The following CDKL5 variants were observed in gnomAD, a reference collection of about 807,000 sequenced individuals.
The protein encoded by CDKL5 is cyclin dependent kinase like 5.
A neutral mutation model predicts 61.7 loss-of-function variants in CDKL5; 8 were observed. That is an observed-to-expected ratio of 0.13 (90% CI 0.08 to 0.23). CDKL5 has a LOEUF of 0.23. CDKL5 is among the 10% of genes least tolerant of loss of function. The pLI is 1.00. For missense variants in CDKL5, 440 were observed against 734.5 expected (o/e 0.60, Z 4.63); for synonymous variants, 275 against 272.3 (o/e 1.01, Z -0.10).
At chrX:18,614,849 AT>A (rs1926669820) in intron 15 of CDKL5, among the ~76,000 whole-genome samples, 1 of 112,507 alleles carries the variant, frequency 8.9e-6, no homozygotes, top group African/African-American at 3.2e-5. Context: ...AAGGAATTGG[AT>A]TCTCTTGATT....
intron 1 of CDKL5, among the ~76,000 whole-genome samples, chrX:18,478,679 C>CTTT (rs750617832): frequency 1.1e-5 from 1 of 92,205 alleles, no homozygotes; most frequent in Non-Finnish European, 2.2e-5. Context: ...TTGTTGCTTT[C>CTTT]TTTTTTTTTT....
intron 8 of CDKL5, among the ~76,000 whole-genome samples, chrX:18,587,164 C>T (rs1925668149): frequency 1.8e-5 from 2 of 110,542 alleles, no homozygotes; most frequent in African/African-American, 6.6e-5. Context: ...AGCGTGCACG[C>T]GTGTGTGTGT....
chrX:18,621,911 A>T (rs1359072814), intron 16 of CDKL5, among the ~76,000 whole-genome samples: 1 of 112,196 alleles, frequency 8.9e-6, no homozygotes, highest in Admixed American at 9.5e-5. Flanking sequence ...ATGTTTCTCT[A>T]TCATGAGCGT....
At chrX:18,561,900 A>G (rs771880919) in intron 3 of CDKL5, among the ~76,000 whole-genome samples, 78 of 111,922 alleles carry the variant, frequency 7.0e-4, no homozygotes, top group Middle Eastern at 4.6e-3. Context: ...CAGGCTAAGT[A>G]AGGACTTTGA....
At chrX:18,647,375 C>T in intron 20 of CDKL5, 2 of 1,185,631 alleles carry the variant, frequency 1.7e-6, no homozygotes, top group Non-Finnish European at 1.1e-6. Flanking sequence ...TATCTCAATA[C>T]TCAACAAGCA....
intron 15 of CDKL5, 34 bp from the exon 16 acceptor site, chrX:18,619,833 A>G: frequency 2.1e-6 from 2 of 952,203 alleles, no homozygotes; most frequent in Non-Finnish European, 3.0e-6. Flanking sequence ...AAATGATTGA[A>G]AAATCAATAT....
At chrX:18,478,334 A>G (rs1602214343) in intron 1 of CDKL5, among the ~76,000 whole-genome samples, 1 of 87,196 alleles carries the variant, frequency 1.1e-5, no homozygotes, top group South Asian at 5.5e-4. Context: ...TTTGTCGCCC[A>G]GGTTGGAGTG....
chrX:18,588,314 G>T, intron 9 of CDKL5, 171 bp downstream of exon 9: 1 of 371,910 alleles, frequency 2.7e-6, no homozygotes, highest in Non-Finnish European at 4.5e-6. Flanking sequence ...TAGTACTTGT[G>T]GATTTAAAAA....
downstream of CDKL5, chrX:18,642,001 G>A (rs1800005): frequency 4.1e-6 from 5 of 1,211,189 alleles, no homozygotes; most frequent in Non-Finnish European, 5.6e-6. Context: ...GCTGAGGCAG[G>A]CATCAGGCAC....
At chrX:18,531,899 G>T (rs1335195804) in intron 3 of CDKL5, among the ~76,000 whole-genome samples, 2 of 106,694 alleles carry the variant, frequency 1.9e-5, no homozygotes, top group Admixed American at 2.0e-4. Context: ...GTAGAGACGG[G>T]GTTTCACCTT....
At chrX:18,496,156 G>A (rs1296085250) in intron 1 of CDKL5, among the ~76,000 whole-genome samples, 1 of 112,169 alleles carries the variant, frequency 8.9e-6, no homozygotes, top group Non-Finnish European at 1.9e-5. Flanking sequence ...ATGGTCTGGG[G>A]AACAGTCTCA....
At chrX:18,598,254 AG>A (rs2147155904) in intron 10 of CDKL5, among the ~76,000 whole-genome samples, 1 of 111,482 alleles carries the variant, frequency 9.0e-6, no homozygotes, top group East Asian at 2.8e-4. Context: ...TATTCAAAAA[AG>A]GGCTGGGATC....
In CDKL5 at chrX:18,515,000, C is replaced by T. The variant is rs150255836; in HGVS notation, c.99+4146C>T. Among the ~76,000 whole-genome samples, 75 of 110,890 alleles carry T rather than the reference C, an allele frequency of 6.8e-4. No homozygotes were observed. In the East Asian group the frequency reaches 0.014, roughly 20 times the overall value. On this transcript the variant is annotated intron_variant, in intron 3 of 17. Coordinates refer to ENST00000623535, the MANE Select transcript of CDKL5 (RefSeq NM_001323289.2). ...TTTCAGTAGAGACGGGGCTTCATTA[C>T]GTTGGCCAGGCTGGTCTTGGACTCC...
At chrX:18,470,166 G>A (rs766102321) in intron 1 of CDKL5, among the ~76,000 whole-genome samples, 1 of 109,504 alleles carries the variant, frequency 9.1e-6, no homozygotes, top group South Asian at 3.9e-4. Flanking sequence ...GTGAAATCCT[G>A]TCTCTACTAA....
intron 8 of CDKL5, among the ~76,000 whole-genome samples, chrX:18,585,801 A>G (rs1925624388): frequency 8.9e-6 from 1 of 111,946 alleles, no homozygotes; most frequent in Admixed American, 9.5e-5. Context: ...AATGATGACA[A>G]GTGCGCAAAT....
At chrX:18,582,030 A>G in intron 7 of CDKL5, 80 bp downstream of exon 7, 1 of 722,380 alleles carries the variant, frequency 1.4e-6, no homozygotes, top group Non-Finnish European at 2.2e-6. Flanking sequence ...AAGGAATATT[A>G]AAAGTAATTG....
chrX:18,588,293 G>A (rs1279856192), intron 9 of CDKL5, 150 bp downstream of exon 9: 8 of 423,540 alleles, frequency 1.9e-5, no homozygotes, highest in African/African-American at 1.5e-4. Context: ...TTTTATTTCC[G>A]AATTTTTTAA....
chrX:18,554,770 AATC>A (rs1174852519), intron 3 of CDKL5, among the ~76,000 whole-genome samples: 7 of 111,840 alleles, frequency 6.3e-5, no homozygotes, highest in Non-Finnish European at 1.1e-4. Flanking sequence ...TTATAAAACT[AATC>A]ATTGTTTTAT....
intron 1 of CDKL5, among the ~76,000 whole-genome samples, chrX:18,477,886 T>C (rs1473080214): frequency 8.9e-6 from 1 of 112,380 alleles, no homozygotes; most frequent in African/African-American, 3.2e-5. Context: ...ATATTAACTT[T>C]CTTATTTACC....
Sources: gnomAD v4.1 joint callset for allele counts (sites outside exome capture counted in the v4.1 genomes callset) on GRCh38, gnomAD v4.1.1 for gene constraint, MANE v1.5 for transcripts, NCBI Gene and HGNC (gene_info 2026-07-23, HGNC 2026-07-21) for gene names.